TMC7: variants seen among roughly 807,000 people sequenced by gnomAD.
TMC7 encodes the protein transmembrane channel-like protein 7.
In TMC7, 54 loss-of-function variants were observed where a neutral mutation model predicts 82.9. The ratio of observed to expected loss-of-function variants is 0.65; its 90% CI spans 0.52 to 0.82. The LOEUF is 0.82. Ranked by LOEUF, TMC7 falls within the 40% of genes least tolerant of loss-of-function variation. The pLI is 0.00. For missense variants in TMC7, 820 were observed against 901.2 expected, an observed-to-expected ratio of 0.91 and a Z score of 1.15; for synonymous variants, 350 against 337.9, an observed-to-expected ratio of 1.04 and a Z score of -0.39.
chr16:19,026,112 C>CA (rs1429103035), intron 5 of TMC7, among the ~76,000 whole-genome samples: 19 of 151,674 alleles, frequency 1.3e-4, no homozygotes, highest in Non-Finnish European at 2.4e-4. Context: ...TCTGATCTCA[C>CA]GTTTTCCTAA....
At chr16:19,020,856 A>ATAAG (rs1959935862) in intron 3 of TMC7, among the ~76,000 whole-genome samples, 1 of 138,146 alleles carries the variant, frequency 7.2e-6, no homozygotes, top group Non-Finnish European at 1.5e-5. Context: ...GGTGTCAAAA[A>ATAAG]TAAATAAATA....
chr16:19,035,376 C>A (rs890006857), intron 6 of TMC7, among the ~76,000 whole-genome samples: 1 of 152,102 alleles, frequency 6.6e-6, no homozygotes, highest in Non-Finnish European at 1.5e-5. Context: ...CAGCATCATG[C>A]AATATTACCA....
chr16:19,000,746 C>T (rs1049697645), intron 1 of TMC7, among the ~76,000 whole-genome samples: 8 of 152,114 alleles, frequency 5.3e-5, no homozygotes, highest in Middle Eastern at 3.4e-3. Context: ...GTTCCAGGTA[C>T]GGTGGCTCAC....
intron 1 of TMC7, among the ~76,000 whole-genome samples, chr16:18,986,811 T>G (rs2038858539): frequency 6.6e-6 from 1 of 151,964 alleles, no homozygotes. Flanking sequence ...TTGGTTCTTT[T>G]TTTTTTTCTT....
At chr16:19,056,756 C>A in intron 14 of TMC7, 59 bp downstream of exon 14, 1 of 1,574,188 alleles carries the variant, frequency 6.4e-7, no homozygotes, top group Non-Finnish European at 8.7e-7. Context: ...TGGGAAATGG[C>A]GGCGGTCGGG....
At chr16:18,984,273 G>A in intron 1 of TMC7, 143 bp downstream of exon 1, 1 of 1,337,236 alleles carries the variant, frequency 7.5e-7, no homozygotes, top group Non-Finnish European at 9.5e-7. Flanking sequence ...GGAACAGCAG[G>A]TGGGAAGGAG....
In TMC7 at chr16:19,051,679, C is replaced by T; in HGVS notation, c.1741-7C>T. 6.2e-7 allele frequency: 1 copy of T among 1,612,568 alleles called. No homozygotes were observed. The highest frequency in any genetic ancestry group is 2.2e-5 in the East Asian group (1 of 44,838). ...ATCTTAATTTTTCTTTCTTTTTCTC[C>T]TTGTAGTGGAGTCTGCTTTACACCT... On this transcript the variant is annotated splice_polypyrimidine_tract_variant and splice_region_variant and intron_variant, in intron 12 of 15. Transcript: ENST00000304381.
intron 1 of TMC7, among the ~76,000 whole-genome samples, chr16:19,001,516 A>G (rs1053324238): frequency 6.6e-6 from 1 of 152,190 alleles, no homozygotes; most frequent in African/African-American, 2.4e-5. Context: ...CCTCATCTCT[A>G]TTAAAATATA....
intron 1 of TMC7, among the ~76,000 whole-genome samples, chr16:18,991,268 G>C (rs1488997530): frequency 6.6e-6 from 1 of 152,122 alleles, no homozygotes; most frequent in Non-Finnish European, 1.5e-5. Context: ...AACAGAAGAC[G>C]CAAGGTCTGA....
At chr16:18,989,039 T>G (rs1393266274) in intron 1 of TMC7, among the ~76,000 whole-genome samples, 1 of 142,848 alleles carries the variant, frequency 7.0e-6, no homozygotes, top group Admixed American at 7.2e-5. Flanking sequence ...GGCAACAGAG[T>G]GAGACTCTGT....
intron 7 of TMC7, among the ~76,000 whole-genome samples, chr16:19,036,714 C>CAA (rs112464947): frequency 7.7e-6 from 1 of 130,616 alleles, no homozygotes; most frequent in Non-Finnish European, 1.7e-5. Flanking sequence ...GACTCCATCT[C>CAA]AAAAAAAAAA....
At chr16:19,026,090 C>T (rs1436248699) in intron 5 of TMC7, among the ~76,000 whole-genome samples, 4 of 150,906 alleles carry the variant, frequency 2.7e-5, no homozygotes, top group African/African-American at 9.7e-5. Context: ...TTTGAAAAAA[C>T]CCTTTTACAT....
At chr16:19,000,523 A>G (rs1233900691) in intron 1 of TMC7, among the ~76,000 whole-genome samples, 8 of 152,118 alleles carry the variant, frequency 5.3e-5, no homozygotes, top group African/African-American at 9.7e-5. Flanking sequence ...AGAAGTCCAT[A>G]ATGTTCTGAG....
intron 1 of TMC7, among the ~76,000 whole-genome samples, chr16:19,004,699 A>G (rs1438371803): frequency 6.6e-6 from 1 of 152,110 alleles, no homozygotes; most frequent in African/African-American, 2.4e-5. Flanking sequence ...ACACTTTTAA[A>G]TCCATGGCCC....
chr16:19,056,748 G>A (rs377755398), intron 14 of TMC7, 51 bp downstream of exon 14: 7 of 1,591,508 alleles, frequency 4.4e-6, no homozygotes, highest in Non-Finnish European at 6.0e-6. Flanking sequence ...CCTCCCATTG[G>A]GAAATGGCGG....
chr16:19,023,925 A>G (rs1960104314), intron 5 of TMC7, among the ~76,000 whole-genome samples: 1 of 152,238 alleles, frequency 6.6e-6, no homozygotes, highest in African/African-American at 2.4e-5. Flanking sequence ...TCCAGAAATT[A>G]CACACAGGGA....
intron 5 of TMC7, among the ~76,000 whole-genome samples, chr16:19,029,065 G>T (rs1435673867): frequency 6.6e-6 from 1 of 151,246 alleles, no homozygotes; most frequent in Non-Finnish European, 1.5e-5. Flanking sequence ...GAGTGCAGTG[G>T]CACAATCTCG....
At chr16:19,040,505 T>G in intron 9 of TMC7, 59 bp downstream of exon 9, 107 of 1,483,242 alleles carry the variant, frequency 7.2e-5, no homozygotes, top group Non-Finnish European at 9.4e-5. Flanking sequence ...GCCCACTCTC[T>G]TGCCCATGGC....
At position 19,038,085 on chromosome 16, in the gene TMC7, G is replaced by A. The variant is rs758388463; in HGVS notation, c.1179+38G>A. On this transcript the variant is annotated intron_variant, in intron 8 of 15. Coordinates refer to ENST00000304381, the MANE Select transcript of TMC7 (RefSeq NM_024847.4). ...GTACTCTGGCTGGACATTATGCCTA[G>A]TGCACTGAAAATCTGTGAGGTAGAT... The A allele has an allele frequency of 1.6e-5, 25 of 1,582,470 alleles. No individual in the cohort carries two copies. The African/African-American group carries it at 3.2e-4, about 21-fold the overall frequency.
Sources: gnomAD v4.1 joint callset for allele counts (sites outside exome capture counted in the v4.1 genomes callset) on GRCh38, gnomAD v4.1.1 for gene constraint, MANE v1.5 for transcripts, NCBI Gene and HGNC (gene_info 2026-07-23, HGNC 2026-07-21) for gene names.